Variants in C3orf85 observed in about 807,000 individuals in gnomAD.
C3orf85 encodes uncharacterized protein C3orf85.
In C3orf85, 1 loss-of-function variant was observed where a neutral mutation model predicts 1.7. The observed-to-expected ratio is 0.60, with a 90% confidence interval of 0.21 to 2.86. C3orf85 has a LOEUF of 2.86. C3orf85 is among the 30% of genes most tolerant of loss of function. The pLI is 0.22. For synonymous variants in C3orf85, 17 were observed against 8.0 expected (o/e 2.13, Z -1.90); for missense variants, 29 against 21.3 (o/e 1.36, Z -0.72).
At chr3:109,138,943 T>C (rs1044538345) in intron 2 of C3orf85, among the ~76,000 whole-genome samples, 4 of 152,250 alleles carry the variant, frequency 2.6e-5, no homozygotes, top group Non-Finnish European at 4.4e-5. Context: ...AATTGCCTTC[T>C]TCTATAATGA....
chr3:109,146,244 A>G (rs145423374), intron 2 of C3orf85: 4 of 152,320 alleles, frequency 2.6e-5, no homozygotes, highest in African/African-American at 9.6e-5. Context: ...AACTTACGGT[A>G]CAAAATTTGT....
rs539560748 is a variant in C3orf85 at position 109,150,701 on chromosome 3, A to G, written c.*807A>G. On this transcript the variant is annotated 3_prime_UTR_variant, in exon 4 of 4. Coordinates refer to ENST00000622536, the MANE Select transcript of C3orf85 (RefSeq NM_001351622.2). ...GGATTACCACCTCAGTTTGAGAAGC[A>G]TTGAGATGATACAACTAATTGCCAA... Among the ~76,000 whole-genome samples the G allele has an allele frequency of 1.3e-5, 2 of 152,330 alleles. No individual in the cohort carries two copies. The highest frequency in any genetic ancestry group is 2.1e-4 in the South Asian group (1 of 4,824).
At chr3:109,144,106 C>T (rs1316038080) in intron 2 of C3orf85, among the ~76,000 whole-genome samples, 2 of 152,250 alleles carry the variant, frequency 1.3e-5, no homozygotes, top group African/African-American at 2.4e-5. Context: ...ATATTGCCTA[C>T]ATTTTTTTAA....
At chr3:109,143,124 A>T (rs1349593243) in intron 2 of C3orf85, among the ~76,000 whole-genome samples, 1 of 152,200 alleles carries the variant, frequency 6.6e-6, no homozygotes, top group African/African-American at 2.4e-5. Context: ...AGCAGAGCAC[A>T]CATAGGGGTG....
Position 109,150,731 on chromosome 3 carries a change from G to A in C3orf85, c.*837G>A, listed in dbSNP as rs900417009. On this transcript the variant is annotated 3_prime_UTR_variant, in exon 4 of 4. Transcript: ENST00000622536. ...GATGATACAACTAATTGCCAAGATTGCCCCCCAAAATCACAGGTAAATGGA... is the reference window on the plus strand; with the variant it reads ...GATGATACAACTAATTGCCAAGATTACCCCCCAAAATCACAGGTAAATGGA... 6.6e-6 allele frequency among the ~76,000 whole-genome samples: 1 copy of A among 152,066 alleles called. No individual in the cohort carries two copies. Among genetic ancestry groups the A allele is most frequent in the Admixed American group, 6.6e-5 (1 of 15,264 alleles).
chr3:109,138,649 G>C (rs1272480953), intron 2 of C3orf85, among the ~76,000 whole-genome samples: 1 of 152,056 alleles, frequency 6.6e-6, no homozygotes, highest in Admixed American at 6.6e-5. Flanking sequence ...TTTAAGGGAG[G>C]TAGGGAGAAG....
intron 2 of C3orf85, among the ~76,000 whole-genome samples, chr3:109,146,049 A>G (rs60662021): frequency 0.024 from 3,667 of 152,318 alleles, 131 homozygotes; most frequent in African/African-American, 0.072. Flanking sequence ...CCAACTATGG[A>G]TGGTCTGATC....
chr3:109,142,008 A>C (rs1468234430), intron 2 of C3orf85, among the ~76,000 whole-genome samples: 3 of 152,192 alleles, frequency 2.0e-5, no homozygotes, highest in Non-Finnish European at 4.4e-5. Flanking sequence ...TAGTCTGGGC[A>C]ATAAAGCAAG....
chr3:109,139,137 A>G (rs1202178917), intron 2 of C3orf85, among the ~76,000 whole-genome samples: 1 of 152,244 alleles, frequency 6.6e-6, no homozygotes, highest in African/African-American at 2.4e-5. Context: ...CAGTCAATCA[A>G]TGGTAGAAGC....
rs539603825 is a variant in C3orf85 at position 109,136,962 on chromosome 3, T to C, written c.49+66T>C. 61 of 402,206 alleles carry C rather than the reference T, an allele frequency of 1.5e-4. No individual in the cohort carries two copies. In the South Asian group the frequency reaches 6.4e-3, roughly 42 times the overall value. The allele number at this position is 402,206 out of a possible 1,614,324, so 24.9% of individuals were successfully genotyped here. On this transcript the variant is annotated intron_variant, in intron 2 of 3. Transcript: ENST00000622536. ...GCCATCAGGTTGATAATTCCTTTTG[T>C]CTTCTTAAAGAAATGAACAAACACG...
chr3:109,142,569 T>C lies in C3orf85; in HGVS notation c.49+5673T>C, dbSNP rs111312315. On this transcript the variant is annotated intron_variant, in intron 2 of 3. Coordinates refer to ENST00000622536, the MANE Select transcript of C3orf85 (RefSeq NM_001351622.2). The stretch of plus-strand genomic sequence containing the variant: ...TATGGATCTGCCCAGATATTTTATG[T>C]CTTCTGACCCCACTGAATCTCATTG... 5.6e-3 allele frequency among the ~76,000 whole-genome samples: 848 copies of C among 152,304 alleles called. 6 individuals are homozygous for C. Among genetic ancestry groups the C allele is most frequent in the African/African-American group, 0.019 (784 of 41,562 alleles).
At chr3:109,140,675 A>G (rs2107833188) in intron 2 of C3orf85, among the ~76,000 whole-genome samples, 1 of 152,320 alleles carries the variant, frequency 6.6e-6, no homozygotes, top group East Asian at 1.9e-4. Flanking sequence ...AATCAAATAC[A>G]ATGCTGCCTT....
intron 2 of C3orf85, among the ~76,000 whole-genome samples, chr3:109,138,524 C>T (rs1222527568): frequency 6.6e-6 from 1 of 152,074 alleles, no homozygotes; most frequent in Non-Finnish European, 1.5e-5. Context: ...TCTCTGAAGC[C>T]CTTCTGCTTA....
intron 2 of C3orf85, among the ~76,000 whole-genome samples, chr3:109,144,845 A>G (rs1257505428): frequency 5.3e-5 from 8 of 152,194 alleles, no homozygotes; most frequent in Admixed American, 3.9e-4. Context: ...AATTGGATCT[A>G]TTTTGCACAG....
intron 2 of C3orf85, among the ~76,000 whole-genome samples, chr3:109,140,929 G>C (rs1559968825): frequency 6.6e-6 from 1 of 152,184 alleles, no homozygotes. Context: ...TGAGTTAAAA[G>C]GTCAGTTAGA....
At position 109,151,023 on chromosome 3, in the gene C3orf85, T is replaced by C. The variant is rs1473643471; in HGVS notation, c.*1129T>C. 6.6e-6 allele frequency among the ~76,000 whole-genome samples: 1 copy of C among 152,150 alleles called. No homozygotes were observed. The highest frequency in any genetic ancestry group is 1.5e-5 in the Non-Finnish European group (1 of 68,024). ...CTGACAGCTGCTCAGTGTTTCACATTTCCCATCCTATGGCCTAGAGGTGTT... is the reference window on the plus strand; with the variant it reads ...CTGACAGCTGCTCAGTGTTTCACATCTCCCATCCTATGGCCTAGAGGTGTT... On this transcript the variant is annotated 3_prime_UTR_variant, in exon 4 of 4. Transcript: ENST00000622536.
intron 3 of C3orf85, chr3:109,149,148 A>C (rs1319712726): frequency 6.6e-6 from 1 of 150,386 alleles, no homozygotes; most frequent in Non-Finnish European, 1.5e-5. Context: ...TAGGAAACAA[A>C]GTTGTATAAT....
At chr3:109,143,727 A>C (rs185207071) in intron 2 of C3orf85, among the ~76,000 whole-genome samples, 3 of 152,384 alleles carry the variant, frequency 2.0e-5, no homozygotes, top group East Asian at 1.9e-4. Flanking sequence ...GTGGTTGTGT[A>C]ATCCAGACTT....
At chr3:109,149,100 T>C (rs1436221679) in intron 3 of C3orf85, 1 of 152,238 alleles carries the variant, frequency 6.6e-6, no homozygotes, top group African/African-American at 2.4e-5. Flanking sequence ...TCTGAGTATT[T>C]CAATTATTCA....
Sources: allele counts gnomAD v4.1 joint callset (sites outside exome capture counted in the v4.1 genomes callset), GRCh38; gene constraint gnomAD v4.1.1; transcripts MANE v1.5; gene names NCBI Gene and HGNC (gene_info 2026-07-23, HGNC 2026-07-21).